DLG5: variants seen among roughly 807,000 people sequenced by gnomAD.
DLG5 encodes the protein disks large homolog 5.
A neutral mutation model predicts 189.8 loss-of-function variants in DLG5; 48 were observed. The ratio of observed to expected loss-of-function variants is 0.25; its 90% CI spans 0.20 to 0.32. The LOEUF (loss-of-function observed/expected upper bound fraction) is 0.32. Ranked by LOEUF, DLG5 falls within the 10% of genes least tolerant of loss-of-function variation. DLG5 has a pLI of 1.00. For missense variants in DLG5, 2,160 were observed against 2,544.7 expected (o/e 0.85, Z 3.25); for synonymous variants, 1,016 against 1,054.1 (o/e 0.96, Z 0.70).
the DLG5 span, among the ~76,000 whole-genome samples, chr10:77,936,981 G>A: frequency 2.0e-5 from 3 of 151,930 alleles, no homozygotes; most frequent in African/African-American, 2.4e-5. Flanking sequence ...CAGCCTTCTC[G>A]GTGAACCCCA....
chr10:77,870,600 C>T (rs1027762294), intron 1 of DLG5, among the ~76,000 whole-genome samples: 10 of 152,046 alleles, frequency 6.6e-5, no homozygotes, highest in Non-Finnish European at 1.0e-4. Flanking sequence ...GGGAGGATCA[C>T]CTAAGCCCAG....
intron 25 of DLG5, 43 bp downstream of exon 25, chr10:77,807,753 C>G: frequency 6.2e-7 from 1 of 1,601,224 alleles, no homozygotes; most frequent in Non-Finnish European, 8.5e-7. Flanking sequence ...GAAAGCCTCT[C>G]CTCTGGTTCC....
In DLG5 at chr10:77,821,928, C is replaced by T. The variant is rs768042919; in HGVS notation, c.2556G>A (p.Leu852=). ...GGGGGCCTGGCTCCTTCCTGTCTTC[C>T]AGCCTGTCCGTGTAGAAGATGTCTG... is the stretch of plus-strand genomic sequence containing the variant. ...TQTDIFYTDR[L]EDRKEPGPPG... The change falls in exon 15 of 32, where the codon CTG becomes CTA. Residue 852 remains leucine, a synonymous_variant. Transcript: ENST00000372391. 2 of 1,614,258 alleles carry T rather than the reference C, an allele frequency of 1.2e-6. No homozygotes were observed. The highest frequency in any genetic ancestry group is 1.7e-6 in the Non-Finnish European group (2 of 1,180,046).
At chr10:77,807,505 C>T (rs1307232089) in intron 25 of DLG5, among the ~76,000 whole-genome samples, 1 of 152,148 alleles carries the variant, frequency 6.6e-6, no homozygotes, top group East Asian at 1.9e-4. Context: ...TTGGGGGACA[C>T]CAGAAAAAGA....
At chr10:77,918,231 G>A (rs1360460182) in intron 1 of DLG5, among the ~76,000 whole-genome samples, 1 of 151,758 alleles carries the variant, frequency 6.6e-6, no homozygotes, top group African/African-American at 2.4e-5. Context: ...GCCAACATGG[G>A]GAAACCTTGT....
intron 1 of DLG5, among the ~76,000 whole-genome samples, chr10:77,898,357 A>G (rs897887567): frequency 2.0e-5 from 3 of 152,260 alleles, no homozygotes; most frequent in African/African-American, 7.2e-5. Flanking sequence ...CGTAGGATTT[A>G]AAAACCTCTC....
At position 77,843,632 on chromosome 10, in the gene DLG5, G is replaced by A. The variant is rs374083021; in HGVS notation, c.939C>T (p.Val313=). 109 of 1,613,820 alleles carry A rather than the reference G, an allele frequency of 6.8e-5. No individual in the cohort carries two copies. The highest frequency in any genetic ancestry group is 1.0e-4 in the Admixed American group (6 of 59,956). The change falls in exon 6 of 32, where the codon GTC becomes GTT. Residue 313 remains valine (V), a synonymous_variant. Transcript: ENST00000372391. Reference sequence around the variant, plus strand: ...TCCGAAGGGCGTCATAGTCCTTCTTGACCACCTCCAACTTGTCCATGGCCG... The same window carrying A: ...TCCGAAGGGCGTCATAGTCCTTCTTAACCACCTCCAACTTGTCCATGGCCG... The part of the protein sequence containing the change: ...YDTAMDKLEV[V]KKDYDALRKR...
chr10:77,811,220 G>C lies in DLG5; in HGVS notation c.4337C>G (p.Pro1446Arg), dbSNP rs780283946. ...SHSRSSSHLD[P>R]AGTHSTLQGS... ...CTGGAGAGTGGAGTGGGTACCGGCA[G>C]GGTCCAGGTGTGAGCTGGAGGCGGA... Residue 1446 changes from proline (P) to arginine (R), a missense_variant, in exon 23 of 32, where the codon CCT becomes CGT. Pro to Arg is a moderately radical substitution (Grantham distance 103, BLOSUM62 -2). This residue lies in a region of DLG5 where 574 missense variants were observed against 644.2 expected (regional missense o/e 0.89). Transcript: ENST00000372391. The C allele has an allele frequency of 1.1e-5, 18 of 1,613,030 alleles. No individual in the cohort carries two copies. Among genetic ancestry groups the C allele is most frequent in the Non-Finnish European group, 1.5e-5 (18 of 1,179,888 alleles).
At chr10:77,882,955 T>G (rs1264316967) in intron 1 of DLG5, among the ~76,000 whole-genome samples, 3 of 151,808 alleles carry the variant, frequency 2.0e-5, no homozygotes, top group East Asian at 3.9e-4. Flanking sequence ...TTCACCTCCA[T>G]TTCTCTCCAT....
At chr10:77,802,088 A>C (rs1841234947) in intron 27 of DLG5, among the ~76,000 whole-genome samples, 1 of 152,222 alleles carries the variant, frequency 6.6e-6, no homozygotes. Flanking sequence ...GGGAGGGGCA[A>C]GGAACAGGCT....
intron 1 of DLG5, among the ~76,000 whole-genome samples, chr10:77,886,020 G>A (rs1845427731): frequency 1.3e-5 from 2 of 152,226 alleles, no homozygotes; most frequent in Non-Finnish European, 2.9e-5. Flanking sequence ...GGCTGTGAGA[G>A]CCAACAGAGA....
At chr10:77,808,947 A>T (rs1003609082) in intron 24 of DLG5, among the ~76,000 whole-genome samples, 1 of 151,770 alleles carries the variant, frequency 6.6e-6, no homozygotes, top group Non-Finnish European at 1.5e-5. Flanking sequence ...ATACAAAAAT[A>T]AATTAGCTGG....
At chr10:77,840,276 G>A (rs994908394) in intron 7 of DLG5, among the ~76,000 whole-genome samples, 27 of 152,088 alleles carry the variant, frequency 1.8e-4, no homozygotes, top group African/African-American at 6.5e-4. Context: ...TACTTGGGGG[G>A]TCTGAGGTGG....
chr10:77,804,175 C>T (rs536475308), intron 27 of DLG5, among the ~76,000 whole-genome samples: 26 of 152,206 alleles, frequency 1.7e-4, no homozygotes, highest in African/African-American at 6.0e-4. Context: ...TACAGGCATG[C>T]GCCACCATGC....
upstream of DLG5, among the ~76,000 whole-genome samples, chr10:77,930,977 C>A (rs1384849626): frequency 6.6e-6 from 1 of 151,882 alleles, no homozygotes; most frequent in East Asian, 1.9e-4. Context: ...TGTGCCACCA[C>A]ACCTGGCTAA....
chr10:77,888,742 C>A (rs747403260), intron 1 of DLG5, among the ~76,000 whole-genome samples: 1 of 152,162 alleles, frequency 6.6e-6, no homozygotes, highest in Admixed American at 6.5e-5. Context: ...TCCCAAACCC[C>A]GTTAATATGT....
rs1224628218 is a variant in DLG5, at chr10:77,821,787, G to T, written c.2697C>A (p.Ala899=). 6 of 1,611,362 alleles carry T rather than the reference G, an allele frequency of 3.7e-6. No individual in the cohort carries two copies. Among genetic ancestry groups the T allele is most frequent in the Non-Finnish European group, 4.2e-6 (5 of 1,178,962 alleles). ...ERSLSSFRSD[A]SGDRGFGLVD... is the part of the protein sequence containing the mutation. Reference sequence around the variant, plus strand: ...CCAGCCCAAAGCCACGGTCCCCAGAGGCATCTGAGCGGAAGGAGCTCAGGC... The same window carrying T: ...CCAGCCCAAAGCCACGGTCCCCAGATGCATCTGAGCGGAAGGAGCTCAGGC... Residue 899 remains alanine (A), a synonymous_variant, in exon 15 of 32, where the codon GCC becomes GCA. Transcript: ENST00000372391.
Position 77,829,517 on chromosome 10 carries a change from G to A in DLG5, c.2023C>T (p.Leu675=). ...ADGRLRVNDW[L]LRINDVDLIN... is the part of the protein sequence containing the mutation. ...AGGTCCACATCGTTGATTCTCAGCA[G>A]CCAGTCATTGACCCTGAGAAAGGGC... The change falls in exon 12 of 32, where the codon CTG becomes TTG. Residue 675 remains leucine (L), a synonymous_variant. Transcript: ENST00000372391. 1 of 1,607,978 alleles carries A rather than the reference G, an allele frequency of 6.2e-7. No homozygotes were observed. The highest frequency in any genetic ancestry group is 8.5e-7 in the Non-Finnish European group (1 of 1,176,358).
At chr10:77,832,892 C>T (rs923747865) in intron 9 of DLG5, among the ~76,000 whole-genome samples, 2 of 152,152 alleles carry the variant, frequency 1.3e-5, no homozygotes, top group Non-Finnish European at 2.9e-5. Flanking sequence ...CCTGAGAGCA[C>T]CCAAGCTCCA....
Sources: gnomAD v4.1 joint callset for allele counts (sites outside exome capture counted in the v4.1 genomes callset) on GRCh38, gnomAD v4.1.1 for gene constraint, gnomAD v4.1.1 regional missense constraint, MANE v1.5 for transcripts, NCBI Gene and HGNC (gene_info 2026-07-23, HGNC 2026-07-21) for gene names.